Variants in SIPA1L3 observed in about 807,000 individuals in gnomAD.
The protein encoded by SIPA1L3 is signal-induced proliferation-associated 1-like protein 3.
In SIPA1L3, 59 loss-of-function variants were observed where a neutral mutation model predicts 150.1. That is an observed-to-expected ratio of 0.39 (90% CI 0.32 to 0.49). The LOEUF (loss-of-function observed/expected upper bound fraction) is 0.49, where lower values mean the gene tolerates loss of function less well. Among genes scored for constraint, SIPA1L3 ranks in the 20% least tolerant of loss-of-function variants. SIPA1L3 has a pLI of 0.86. For synonymous variants in SIPA1L3, 1,070 were observed against 1,077.6 expected, an observed-to-expected ratio of 0.99 and a Z score of 0.14; for missense variants, 2,211 against 2,489.5, an observed-to-expected ratio of 0.89 and a Z score of 2.38.
chr19:38,037,112 C>A (rs1309622484), intron 2 of SIPA1L3, among the ~76,000 whole-genome samples: 2 of 152,180 alleles, frequency 1.3e-5, no homozygotes, highest in Non-Finnish European at 2.9e-5. Context: ...GCAGAGGTGT[C>A]CCCCTGCCTT....
chr19:38,105,521 A>G (rs1260073142), intron 6 of SIPA1L3, among the ~76,000 whole-genome samples: 3 of 152,152 alleles, frequency 2.0e-5, no homozygotes, highest in African/African-American at 7.2e-5. Flanking sequence ...GCCTCTTCCT[A>G]GCCATAACCC....
intron 1 of SIPA1L3, among the ~76,000 whole-genome samples, chr19:38,026,032 G>C (rs1968501620): frequency 1.3e-5 from 2 of 152,210 alleles, no homozygotes; most frequent in African/African-American, 2.4e-5. Flanking sequence ...TGTTAGTTGA[G>C]AGTCATTTGG....
At chr19:38,071,179 GTCATTTAATAGT>G (rs1969707750) in intron 2 of SIPA1L3, among the ~76,000 whole-genome samples, 2 of 152,052 alleles carry the variant, frequency 1.3e-5, no homozygotes, top group East Asian at 3.9e-4. Flanking sequence ...CATCCATCCA[GTCATTTAATAGT>G]TATGTTGTTT....
Position 38,206,498 on chromosome 19 carries a change from G to A in SIPA1L3, c.*258G>A. On this transcript the variant is annotated 3_prime_UTR_variant, in exon 22 of 22. Transcript: ENST00000222345. Reference sequence around the variant, plus strand: ...CTGTGGTCCCGGTGAGCTGGGCTGTGCTTACACCGCTCCCGGGCCTGCCCC... The same window carrying A: ...CTGTGGTCCCGGTGAGCTGGGCTGTACTTACACCGCTCCCGGGCCTGCCCC... 1 of 416,136 alleles carries A rather than the reference G, an allele frequency of 2.4e-6. No individual in the cohort carries two copies. The highest frequency in any genetic ancestry group is 4.0e-5 in the South Asian group (1 of 24,770). The allele number at this position is 416,136 out of a possible 1,614,324, so 25.8% of individuals were successfully genotyped here. A position where few individuals can be genotyped will look rare whatever the true frequency, so the allele number is the denominator to read the frequency against.
At chr19:38,114,032 G>C (rs544615851) in intron 8 of SIPA1L3, among the ~76,000 whole-genome samples, 1 of 152,250 alleles carries the variant, frequency 6.6e-6, no homozygotes, top group East Asian at 1.9e-4. Context: ...AAAACCTTCA[G>C]CCGTTTGCAA....
chr19:37,934,270 C>T (rs996643614), intron 1 of SIPA1L3, among the ~76,000 whole-genome samples: 40 of 152,110 alleles, frequency 2.6e-4, no homozygotes, highest in Admixed American at 7.9e-4. Context: ...GACTTCGCGC[C>T]GCTGTAGCAT....
intron 2 of SIPA1L3, among the ~76,000 whole-genome samples, chr19:38,050,909 G>A (rs1969182174): frequency 1.3e-5 from 2 of 151,858 alleles, no homozygotes; most frequent in Admixed American, 1.3e-4. Context: ...AAATACAAAA[G>A]TTAGCCCGGT....
intron 14 of SIPA1L3, among the ~76,000 whole-genome samples, chr19:38,163,424 A>T (rs1445208858): frequency 6.8e-6 from 1 of 146,784 alleles, no homozygotes; most frequent in Non-Finnish European, 1.5e-5. Flanking sequence ...CAGGAGGCAG[A>T]GGCTGCAGTA....
chr19:38,129,618 C>G (rs112810363), intron 9 of SIPA1L3, among the ~76,000 whole-genome samples: 4 of 57,980 alleles, frequency 6.9e-5, no homozygotes, highest in African/African-American at 1.8e-4. Context: ...GAGCGAGACT[C>G]TGTCTCAAAA....
intron 2 of SIPA1L3, among the ~76,000 whole-genome samples, chr19:38,041,213 T>A (rs1182572035): frequency 6.7e-6 from 1 of 150,210 alleles, no homozygotes; most frequent in African/African-American, 2.4e-5. Flanking sequence ...TTCAAGCAAT[T>A]CTCCTGCCTC....
chr19:37,985,799 G>C (rs534374977), intron 1 of SIPA1L3, among the ~76,000 whole-genome samples: 1 of 152,298 alleles, frequency 6.6e-6, no homozygotes, highest in East Asian at 1.9e-4. Context: ...GGGCCCAGAG[G>C]CCGGGCCCCT....
At chr19:37,982,069 C>T (rs1227878226) in intron 1 of SIPA1L3, among the ~76,000 whole-genome samples, 1 of 152,194 alleles carries the variant, frequency 6.6e-6, no homozygotes, top group Non-Finnish European at 1.5e-5. Context: ...TGTGGCAAAA[C>T]AGCCGGACTC....
In SIPA1L3 at chr19:38,050,253, C is replaced by T. The variant is rs967289204; in HGVS notation, c.-311+21097C>T. ...GGTGGATCACTTGACGTCGTGAGTT[C>T]GAGACCAGCCTGGCCAACATGATGA... On this transcript the variant is annotated intron_variant, in intron 2 of 21. Coordinates refer to ENST00000222345, the MANE Select transcript of SIPA1L3 (RefSeq NM_015073.3). 5.3e-5 allele frequency among the ~76,000 whole-genome samples: 8 copies of T among 152,172 alleles called. No individual in the cohort carries two copies. In the South Asian group the frequency reaches 6.2e-4, roughly 12 times the overall value.
chr19:38,062,097 G>A (rs1015391287), intron 2 of SIPA1L3, among the ~76,000 whole-genome samples: 7 of 151,906 alleles, frequency 4.6e-5, no homozygotes, highest in East Asian at 3.9e-4. Flanking sequence ...TAGTATGGGA[G>A]TGCCCTATGG....
intron 15 of SIPA1L3, among the ~76,000 whole-genome samples, chr19:38,169,059 A>G (rs1374647899): frequency 6.6e-6 from 1 of 152,124 alleles, no homozygotes; most frequent in Admixed American, 6.5e-5. Flanking sequence ...ACCACCTTGG[A>G]CAAGTTAAGG....
intron 1 of SIPA1L3, among the ~76,000 whole-genome samples, chr19:37,924,770 T>A (rs1057117360): frequency 1.3e-5 from 2 of 151,904 alleles, no homozygotes; most frequent in Non-Finnish European, 2.9e-5. Flanking sequence ...GTACATGGGC[T>A]GGGTGTGGTG....
chr19:37,970,284 T>C (rs1366377814), intron 1 of SIPA1L3, among the ~76,000 whole-genome samples: 1 of 152,230 alleles, frequency 6.6e-6, no homozygotes, highest in Non-Finnish European at 1.5e-5. Context: ...ACTTTCCTTT[T>C]GGAGTCTTGG....
At chr19:37,921,309 A>C (rs2046455485) in intron 1 of SIPA1L3, among the ~76,000 whole-genome samples, 1 of 152,106 alleles carries the variant, frequency 6.6e-6, no homozygotes, top group Non-Finnish European at 1.5e-5. Flanking sequence ...TATGTGGTAA[A>C]ATTCTTATGC....
At chr19:37,922,614 C>T (rs923466798) in intron 1 of SIPA1L3, among the ~76,000 whole-genome samples, 4 of 150,592 alleles carry the variant, frequency 2.7e-5, no homozygotes, top group African/African-American at 9.7e-5. Context: ...AGGATGGTCT[C>T]GATCTCCTGA....
Sources: gnomAD v4.1 joint callset for allele counts (sites outside exome capture counted in the v4.1 genomes callset) on GRCh38, gnomAD v4.1.1 for gene constraint, MANE v1.5 for transcripts, NCBI Gene and HGNC (gene_info 2026-07-23, HGNC 2026-07-21) for gene names.